SNX18: variants seen among roughly 807,000 people sequenced by gnomAD.
SNX18 encodes the protein sorting nexin-18.
A neutral mutation model predicts 48.7 loss-of-function variants in SNX18; 35 were observed. That is an observed-to-expected ratio of 0.72 (90% CI 0.55 to 0.95). SNX18 has a LOEUF of 0.95. SNX18 is among the 40% of genes least tolerant of loss of function. SNX18 has a pLI of 0.00. For synonymous variants in SNX18, 492 were observed against 384.7 expected, an observed-to-expected ratio of 1.28 and a Z score of -3.26; for missense variants, 824 against 871.0, an observed-to-expected ratio of 0.95 and a Z score of 0.68.
Position 54,538,744 on chromosome 5 carries a change from G to A in SNX18, c.1622-4435G>A, listed in dbSNP as rs115296411. On this transcript the variant is annotated intron_variant, in intron 1 of 1. Transcript: ENST00000381410. ...TTAACAGCCATTCGCTTCAATTCAG[G>A]ATATAATCAGGAACTCTCGATTTTT... Among the ~76,000 whole-genome samples the A allele has an allele frequency of 8.7e-3, 1,320 of 152,224 alleles. 27 individuals are homozygous for A. Among genetic ancestry groups the A allele is most frequent in the African/African-American group, 0.03 (1,253 of 41,518 alleles).
At chr5:54,562,222 T>C in the SNX18 span, among the ~76,000 whole-genome samples, 4 of 152,290 alleles carry the variant, frequency 2.6e-5, no homozygotes, top group Admixed American at 2.6e-4. Flanking sequence ...AGGAGGTGAC[T>C]TGCCAGAGGG....
Position 54,518,420 on chromosome 5 carries a change from C to A in SNX18, c.468C>A (p.Asp156Glu). ...ASQGSDDDWD[D>E]EWDDSSTVAD... is the part of the protein sequence containing the mutation. ...AAGGCAGCGATGATGACTGGGACGACGAGTGGGACGACAGCTCCACGGTGG... is the reference window on the plus strand; with the variant it reads ...AAGGCAGCGATGATGACTGGGACGAAGAGTGGGACGACAGCTCCACGGTGG... Residue 156 changes from aspartate (D) to glutamate (E), a missense_variant, in exon 1 of 2, where the codon GAC (aspartate) becomes GAA (glutamate). This residue lies in a region of SNX18 where 377 missense variants were observed against 350.6 expected (regional missense o/e 1.08). Transcript: ENST00000381410. The A allele has an allele frequency of 1.3e-6, 2 of 1,583,718 alleles. No homozygotes were observed. The highest frequency in any genetic ancestry group is 1.1e-5 in the South Asian group (1 of 87,474).
chr5:54,540,806 C>CG (rs1385827841), intron 1 of SNX18, among the ~76,000 whole-genome samples: 1 of 143,122 alleles, frequency 7.0e-6, no homozygotes, highest in Non-Finnish European at 1.5e-5. Context: ...AAGGATCCTG[C>CG]GTACTGGTCC....
At chr5:54,565,200 A>G in the SNX18 span, among the ~76,000 whole-genome samples, 496 of 152,328 alleles carry the variant, frequency 3.3e-3, 5 homozygotes, top group Non-Finnish European at 4.1e-3. Context: ...ATAACATAAA[A>G]TGTTCACAGG....
the SNX18 span, among the ~76,000 whole-genome samples, chr5:54,627,708 A>G: frequency 2.0e-5 from 3 of 152,062 alleles, no homozygotes; most frequent in Non-Finnish European, 2.9e-5. Context: ...ATTCCAGCCC[A>G]TGCTCCCATT....
At chr5:54,568,451 C>T in the SNX18 span, among the ~76,000 whole-genome samples, 1 of 152,188 alleles carries the variant, frequency 6.6e-6, no homozygotes, top group African/African-American at 2.4e-5. Context: ...TCCCCACATT[C>T]CAGGCCCTCA....
At chr5:54,647,401 G>A in the SNX18 span, among the ~76,000 whole-genome samples, 6 of 152,234 alleles carry the variant, frequency 3.9e-5, no homozygotes, top group East Asian at 1.9e-4. Context: ...TTTCTTTAAC[G>A]AGTGATGCTT....
At chr5:54,597,937 T>C in the SNX18 span, among the ~76,000 whole-genome samples, 1 of 147,326 alleles carries the variant, frequency 6.8e-6, no homozygotes, top group Admixed American at 6.8e-5. Context: ...TTCAAAAAAA[T>C]CAATGGATTC....
At chr5:54,579,584 C>T in the SNX18 span, among the ~76,000 whole-genome samples, 3 of 152,184 alleles carry the variant, frequency 2.0e-5, no homozygotes, top group Admixed American at 6.5e-5. Context: ...GAAGCTAGAA[C>T]AGTTCGAGCT....
the SNX18 span, among the ~76,000 whole-genome samples, chr5:54,591,059 T>A: frequency 6.6e-6 from 1 of 152,184 alleles, no homozygotes; most frequent in African/African-American, 2.4e-5. Context: ...TCTCTCTCCC[T>A]GTCTCAGAAG....
the SNX18 span, among the ~76,000 whole-genome samples, chr5:54,603,407 A>C: frequency 6.6e-6 from 1 of 152,070 alleles, no homozygotes; most frequent in Non-Finnish European, 1.5e-5. Context: ...GCCTGGCCTA[A>C]AGAATTTTTA....
chr5:54,557,055 A>G, the SNX18 span, among the ~76,000 whole-genome samples: 14 of 152,354 alleles, frequency 9.2e-5, no homozygotes, highest in South Asian at 2.7e-3. Context: ...TTTGAGGACC[A>G]TCAGTTGATC....
At chr5:54,564,923 TG>T in the SNX18 span, among the ~76,000 whole-genome samples, 1 of 152,172 alleles carries the variant, frequency 6.6e-6, no homozygotes, top group Non-Finnish European at 1.5e-5. Context: ...CGAATTCATG[TG>T]GGAGGGTCTA....
chr5:54,518,349 C>G lies in SNX18; in HGVS notation c.397C>G (p.Leu133Val). The change falls in exon 1 of 2, where the codon CTG (leucine) becomes GTG (valine). Residue 133 changes from leucine to valine, a missense_variant. By Grantham distance (32) the Leu-to-Val change is conservative. Coordinates refer to ENST00000381410, the MANE Select transcript of SNX18 (RefSeq NM_001102575.2). ...GAGFPYGGGA[L>V]QPSPQQLYGG... ...GGGCTTCCCGTACGGCGGGGGCGCCCTGCAGCCGTCGCCTCAGCAGCTCTA... is the reference window on the plus strand; with the variant it reads ...GGGCTTCCCGTACGGCGGGGGCGCCGTGCAGCCGTCGCCTCAGCAGCTCTA... The G allele has an allele frequency of 1.3e-6, 2 of 1,530,682 alleles. No individual in the cohort carries two copies. The highest frequency in any genetic ancestry group is 1.8e-6 in the Non-Finnish European group (2 of 1,141,622). The allele number at this position is 1,530,682 out of a possible 1,614,324, so 94.8% of individuals were successfully genotyped here.
chr5:54,640,776 G>C, the SNX18 span, among the ~76,000 whole-genome samples: 1 of 152,092 alleles, frequency 6.6e-6, no homozygotes, highest in Non-Finnish European at 1.5e-5. Flanking sequence ...AAAAAATCAG[G>C]AGGCTGGGTG....
the SNX18 span, among the ~76,000 whole-genome samples, chr5:54,555,515 C>T: frequency 6.6e-6 from 1 of 152,018 alleles, no homozygotes; most frequent in Non-Finnish European, 1.5e-5. Context: ...TGGCTAATGC[C>T]TGGCATATCT....
the SNX18 span, among the ~76,000 whole-genome samples, chr5:54,629,758 G>A: frequency 4.6e-5 from 7 of 152,248 alleles, no homozygotes; most frequent in East Asian, 1.2e-3. Context: ...AGAAGGCTTG[G>A]CTTTCTCTGG....
chr5:54,571,137 T>TC, the SNX18 span, among the ~76,000 whole-genome samples: 2 of 152,094 alleles, frequency 1.3e-5, no homozygotes, highest in African/African-American at 4.8e-5. Flanking sequence ...GTTTTTTTTT[T>TC]CTCAAGTTCA....
the SNX18 span, among the ~76,000 whole-genome samples, chr5:54,628,667 G>A: frequency 2.0e-5 from 3 of 152,136 alleles, no homozygotes; most frequent in African/African-American, 7.2e-5. Flanking sequence ...CCATTTCCTG[G>A]CAGGGACAGT....
Sources: allele counts gnomAD v4.1 joint callset (sites outside exome capture counted in the v4.1 genomes callset), GRCh38; gene constraint gnomAD v4.1.1; regional missense constraint gnomAD v4.1.1; transcripts MANE v1.5; gene names NCBI Gene and HGNC (gene_info 2026-07-23, HGNC 2026-07-21).